Variants in CEP128 observed in about 807,000 individuals in gnomAD.
The protein encoded by CEP128 is centrosomal protein 128.
Under a neutral mutation model 156.7 loss-of-function variants are expected in CEP128, and 132 were observed. That is an observed-to-expected ratio of 0.84 (90% CI 0.73 to 0.97). The LOEUF (loss-of-function observed/expected upper bound fraction) is 0.97, where lower values mean the gene tolerates loss of function less well. Ranked by LOEUF, CEP128 falls within the 50% of genes least tolerant of loss-of-function variation. CEP128 has a pLI of 0.00. For missense variants in CEP128, 1,252 were observed against 1,281.9 expected, an observed-to-expected ratio of 0.98 and a Z score of 0.36; for synonymous variants, 469 against 448.9, an observed-to-expected ratio of 1.04 and a Z score of -0.57.
intron 8 of CEP128, among the ~76,000 whole-genome samples, chr14:80,885,079 C>T (rs1888732341): frequency 6.6e-6 from 1 of 152,194 alleles, no homozygotes; most frequent in African/African-American, 2.4e-5. Context: ...TCTCTAGATT[C>T]CTCCTCACTG....
intron 19 of CEP128, among the ~76,000 whole-genome samples, chr14:80,592,378 T>C (rs1411090117): frequency 6.6e-6 from 1 of 152,182 alleles, no homozygotes; most frequent in Non-Finnish European, 1.5e-5. Flanking sequence ...TAAACACCTC[T>C]ACACAAATAA....
intron 7 of CEP128, among the ~76,000 whole-genome samples, chr14:80,899,537 T>C (rs879691676): frequency 6.6e-6 from 1 of 152,234 alleles, no homozygotes; most frequent in Non-Finnish European, 1.5e-5. Flanking sequence ...TATTGGATTC[T>C]ACAATGGCTT....
chr14:80,599,570 C>T (rs1027776209), intron 19 of CEP128, among the ~76,000 whole-genome samples: 7 of 151,806 alleles, frequency 4.6e-5, no homozygotes, highest in Admixed American at 2.0e-4. Flanking sequence ...CCACTGCGCC[C>T]GGCTGAGTCA....
At chr14:80,484,865 T>C (rs548808508) in intron 14 of CEP128, among the ~76,000 whole-genome samples, 6 of 152,012 alleles carry the variant, frequency 3.9e-5, no homozygotes, top group Admixed American at 1.3e-4. Context: ...GGGAAAATTT[T>C]TCTATATCTG....
At chr14:80,711,005 C>T (rs146458045) in intron 19 of CEP128, among the ~76,000 whole-genome samples, 2 of 152,196 alleles carry the variant, frequency 1.3e-5, no homozygotes, top group African/African-American at 2.4e-5. Flanking sequence ...CAATGAACAT[C>T]CATCCTCTTA....
intron 9 of CEP128, among the ~76,000 whole-genome samples, chr14:80,843,848 T>C (rs1003952646): frequency 1.3e-5 from 2 of 152,006 alleles, no homozygotes; most frequent in South Asian, 2.1e-4. Context: ...TTTTTTAAGA[T>C]GGAAATCTGA....
intron 23 of CEP128, among the ~76,000 whole-genome samples, chr14:80,515,002 G>A (rs563217638): frequency 1.8e-4 from 27 of 152,280 alleles, no homozygotes; most frequent in Admixed American, 1.1e-3. Flanking sequence ...ATTGCGTGGC[G>A]GTCTTGAATA....
At chr14:80,533,535 A>C (rs1889329228) in intron 21 of CEP128, among the ~76,000 whole-genome samples, 1 of 152,288 alleles carries the variant, frequency 6.6e-6, no homozygotes, top group South Asian at 2.1e-4. Context: ...GCATGTGTTT[A>C]CATACTATTT....
rs76890656 is a variant in CEP128, at chr14:80,736,115, T to C, written c.2806+6960A>G. On this transcript the variant is annotated intron_variant, in intron 19 of 24. Coordinates refer to ENST00000555265, the MANE Select transcript of CEP128 (RefSeq NM_152446.5). ...CATTATCATTTTGTATGCAACATTA[T>C]AGAAAAGACAGATAGTACTCATTAC... 3.9e-3 allele frequency among the ~76,000 whole-genome samples: 590 copies of C among 152,216 alleles called. 3 individuals carry two copies. The highest frequency in any genetic ancestry group is 0.014 in the African/African-American group (565 of 41,542).
chr14:80,840,677 C>A lies in CEP128; in HGVS notation c.849+5G>T, dbSNP rs1886307844. The A allele has an allele frequency of 1.3e-6, 2 of 1,576,062 alleles. No homozygotes were observed. The highest frequency in any genetic ancestry group is 8.7e-7 in the Non-Finnish European group (1 of 1,147,256). ...TTCTTTGAAAGATAACTTTTAAAAT[C>A]TTACTTGATTCTTCTCAGTTTCAGT... On this transcript the variant is annotated splice_donor_5th_base_variant and intron_variant, in intron 10 of 24. Transcript: ENST00000555265.
chr14:80,597,346 G>C (rs141855704), intron 19 of CEP128, among the ~76,000 whole-genome samples: 4 of 152,108 alleles, frequency 2.6e-5, no homozygotes, highest in African/African-American at 9.6e-5. Flanking sequence ...AGAAGATATG[G>C]AACACAAAGT....
chr14:80,927,395 G>C (rs1198795610), intron 2 of CEP128, among the ~76,000 whole-genome samples: 1 of 152,172 alleles, frequency 6.6e-6, no homozygotes, highest in Non-Finnish European at 1.5e-5. Context: ...TGCAGACACA[G>C]CTGGGGCTCC....
At chr14:80,642,067 G>A (rs1324668829) in intron 19 of CEP128, among the ~76,000 whole-genome samples, 1 of 131,050 alleles carries the variant, frequency 7.6e-6, no homozygotes, top group Non-Finnish European at 1.6e-5. Context: ...TCCAGCCTGG[G>A]CGACAGAGTG....
rs889612863 is a variant in CEP128, at chr14:80,518,891, C to G, written c.3072+7978G>C. 5.9e-5 allele frequency among the ~76,000 whole-genome samples: 9 copies of G among 152,106 alleles called. No homozygotes were observed. The East Asian group carries it at 1.5e-3, about 26-fold the overall frequency. ...CCTAAAATAAAAATATTTCAAAATG[C>G]TTTGAACAATCAACATAACAGAGTA... On this transcript the variant is annotated intron_variant, in intron 23 of 24. Coordinates refer to ENST00000555265, the MANE Select transcript of CEP128 (RefSeq NM_152446.5).
intron 18 of CEP128, among the ~76,000 whole-genome samples, chr14:80,754,031 T>C (rs193120056): frequency 1.3e-5 from 2 of 152,244 alleles, no homozygotes; most frequent in East Asian, 3.9e-4. Context: ...CTAATCTACC[T>C]TTCACCTCAC....
chr14:80,552,784 T>C (rs761769196), intron 21 of CEP128, among the ~76,000 whole-genome samples: 12 of 152,320 alleles, frequency 7.9e-5, no homozygotes, highest in Non-Finnish European at 1.6e-4. Flanking sequence ...TTTTAGGCAA[T>C]AAGATTTGGA....
intron 22 of CEP128, among the ~76,000 whole-genome samples, chr14:80,529,261 G>A (rs188168195): frequency 2.0e-4 from 31 of 152,246 alleles, no homozygotes; most frequent in Non-Finnish European, 3.7e-4. Flanking sequence ...CCCTTTTCAA[G>A]CTAAACGTTT....
chr14:80,541,391 A>G (rs1363337353), intron 21 of CEP128, among the ~76,000 whole-genome samples: 3 of 145,480 alleles, frequency 2.1e-5, no homozygotes, highest in Non-Finnish European at 4.5e-5. Context: ...ATACCTATGG[A>G]GTGGAAAAAC....
intron 20 of CEP128, among the ~76,000 whole-genome samples, chr14:80,572,603 T>C (rs1015994150): frequency 2.0e-5 from 3 of 152,088 alleles, no homozygotes; most frequent in African/African-American, 2.4e-5. Flanking sequence ...ACAAATGAGA[T>C]TGCCCCAAAT....
Sources: gnomAD v4.1 joint callset for allele counts (sites outside exome capture counted in the v4.1 genomes callset) on GRCh38, gnomAD v4.1.1 for gene constraint, MANE v1.5 for transcripts, NCBI Gene and HGNC (gene_info 2026-07-23, HGNC 2026-07-21) for gene names.